FAM78B: variants seen among roughly 807,000 people sequenced by gnomAD.
FAM78B encodes protein FAM78B.
A neutral mutation model predicts 20.0 loss-of-function variants in FAM78B; 10 were observed. That is an observed-to-expected ratio of 0.50 (90% CI 0.31 to 0.85). The LOEUF (loss-of-function observed/expected upper bound fraction) is 0.85, where lower values mean the gene tolerates loss of function less well. FAM78B is among the 40% of genes least tolerant of loss of function. The probability of loss-of-function intolerance (pLI) is 0.05; values close to 1 mark genes in which losing one functional copy is unlikely to be tolerated. For synonymous variants in FAM78B, 135 were observed against 132.8 expected (o/e 1.02, Z -0.12); for missense variants, 283 against 345.0 (o/e 0.82, Z 1.42).
At position 166,099,368 on chromosome 1, in the gene FAM78B, C is replaced by T. The variant is rs193223888; in HGVS notation, c.264-28605G>A. 2.0e-3 allele frequency among the ~76,000 whole-genome samples: 302 copies of T among 152,178 alleles called. 4 individuals carry two copies. Among genetic ancestry groups the T allele is most frequent in the Non-Finnish European group, 2.1e-3 (143 of 67,992 alleles). ...AAGCAAAAACAAACAAACAAAAAAACGAAGTACACAGGCAACAAAGAGCAT... is the reference window on the plus strand; with the variant it reads ...AAGCAAAAACAAACAAACAAAAAAATGAAGTACACAGGCAACAAAGAGCAT... On this transcript the variant is annotated intron_variant, in intron 1 of 1. Coordinates refer to ENST00000354422, the MANE Select transcript of FAM78B (RefSeq NM_001017961.5).
chr1:166,161,266 C>G (rs560771166), intron 1 of FAM78B, among the ~76,000 whole-genome samples: 131 of 152,176 alleles, frequency 8.6e-4, no homozygotes, highest in Middle Eastern at 3.4e-3. Flanking sequence ...CGTGCCTCAG[C>G]CACCAGAGTA....
intron 1 of FAM78B, among the ~76,000 whole-genome samples, chr1:166,110,455 A>G (rs1035135714): frequency 2.6e-5 from 4 of 151,990 alleles, no homozygotes; most frequent in African/African-American, 7.3e-5. Flanking sequence ...TATTATTATT[A>G]TTGTTCTTTT....
chr1:166,094,298 G>C (rs1266570152), intron 1 of FAM78B, among the ~76,000 whole-genome samples: 1 of 152,194 alleles, frequency 6.6e-6, no homozygotes. Flanking sequence ...GGAGGCTGCA[G>C]TCTGGAGACA....
At chr1:166,096,347 C>T (rs1362613270) in intron 1 of FAM78B, among the ~76,000 whole-genome samples, 1 of 152,056 alleles carries the variant, frequency 6.6e-6, no homozygotes, top group Non-Finnish European at 1.5e-5. Flanking sequence ...ACACAGTGAG[C>T]TTGGGCTGCT....
intron 1 of FAM78B, among the ~76,000 whole-genome samples, chr1:166,136,163 G>A (rs972352175): frequency 6.6e-6 from 1 of 152,128 alleles, no homozygotes; most frequent in African/African-American, 2.4e-5. Context: ...GGACCAGCTG[G>A]GAACTAGCAA....
intron 1 of FAM78B, among the ~76,000 whole-genome samples, chr1:166,109,890 G>GTATATATGTGTATA (rs1557903394): frequency 8.6e-5 from 2 of 23,192 alleles, no homozygotes; most frequent in African/African-American, 1.8e-4. Flanking sequence ...ATGTATATAT[G>GTATATATGTGTATA]TATATATATA....
intron 1 of FAM78B, among the ~76,000 whole-genome samples, chr1:166,076,095 TA>T (rs1652260883): frequency 6.6e-6 from 1 of 152,250 alleles, no homozygotes; most frequent in Non-Finnish European, 1.5e-5. Context: ...CCTTGCTAAT[TA>T]CTCAACTTTG....
At chr1:166,087,615 C>G (rs145887938) in intron 1 of FAM78B, 5 of 152,300 alleles carry the variant, frequency 3.3e-5, no homozygotes, top group African/African-American at 1.2e-4. Flanking sequence ...TCCTGTGTTA[C>G]AAATGCAACA....
rs570810871 is a variant in FAM78B, at chr1:166,078,174, G to C, written c.264-7411C>G. Among the ~76,000 whole-genome samples the C allele has an allele frequency of 2.0e-5, 3 of 151,734 alleles. No individual in the cohort carries two copies. The South Asian group carries it at 6.2e-4, about 31-fold the overall frequency. On this transcript the variant is annotated intron_variant, in intron 1 of 1. Transcript: ENST00000354422. Reference sequence around the variant, plus strand: ...AGACTCCCGAGTAGCTGGGACTACAGGCATGTGCCACCACACCCAACTAAT... The same window carrying C: ...AGACTCCCGAGTAGCTGGGACTACACGCATGTGCCACCACACCCAACTAAT...
At chr1:166,110,294 G>A (rs113430431) in intron 1 of FAM78B, among the ~76,000 whole-genome samples, 168 of 151,974 alleles carry the variant, frequency 1.1e-3, no homozygotes, top group African/African-American at 3.8e-3. Flanking sequence ...AGAGAATGGG[G>A]ATTTATCACT....
chr1:166,088,260 T>A (rs1652914841), intron 1 of FAM78B, among the ~76,000 whole-genome samples: 1 of 152,162 alleles, frequency 6.6e-6, no homozygotes, highest in African/African-American at 2.4e-5. Flanking sequence ...GCTTTATGAC[T>A]CGTCTGTATT....
chr1:166,145,130 T>C (rs923606720), intron 1 of FAM78B, among the ~76,000 whole-genome samples: 34 of 152,274 alleles, frequency 2.2e-4, no homozygotes, highest in African/African-American at 7.7e-4. Flanking sequence ...TGGTAAAGAT[T>C]GTACCAACTG....
chr1:166,094,992 C>G (rs1653222038), intron 1 of FAM78B, among the ~76,000 whole-genome samples: 1 of 152,164 alleles, frequency 6.6e-6, no homozygotes, highest in Non-Finnish European at 1.5e-5. Flanking sequence ...AGAGACTTGT[C>G]TAAGGTGACC....
intron 1 of FAM78B, among the ~76,000 whole-genome samples, chr1:166,148,153 A>C (rs1016263216): frequency 6.6e-6 from 1 of 152,236 alleles, no homozygotes; most frequent in African/African-American, 2.4e-5. Flanking sequence ...GGGTCTAGAG[A>C]GCTGGTAACG....
At chr1:166,062,719 G>A (rs950806252) in intron 2 of FAM78B, among the ~76,000 whole-genome samples, 2 of 152,224 alleles carry the variant, frequency 1.3e-5, no homozygotes, top group Non-Finnish European at 2.9e-5. Context: ...TGGTACGTGA[G>A]GGAGTGAAGT....
At chr1:166,162,629 G>A (rs752996466) in intron 1 of FAM78B, among the ~76,000 whole-genome samples, 41 of 152,192 alleles carry the variant, frequency 2.7e-4, no homozygotes, top group Non-Finnish European at 1.2e-4. Flanking sequence ...CTGTTGGAAA[G>A]CTTCTGCATA....
intron 1 of FAM78B, among the ~76,000 whole-genome samples, chr1:166,105,898 C>T (rs1571166800): frequency 6.6e-6 from 1 of 151,740 alleles, no homozygotes. Context: ...TATAAAGACA[C>T]ATGCACACGT....
chr1:166,081,216 G>C (rs1411990655), intron 1 of FAM78B: 2 of 152,154 alleles, frequency 1.3e-5, no homozygotes, highest in African/African-American at 4.8e-5. Flanking sequence ...GCAGAGACAG[G>C]CTTCATGTTT....
chr1:166,156,048 C>T lies in FAM78B; in HGVS notation c.263+9938G>A, dbSNP rs562480501. Among the ~76,000 whole-genome samples, 175 of 152,322 alleles carry T rather than the reference C, an allele frequency of 1.1e-3. 1 individual carries two copies. Among genetic ancestry groups the T allele is most frequent in the African/African-American group, 4.0e-3 (168 of 41,570 alleles). On this transcript the variant is annotated intron_variant, in intron 1 of 1. Transcript: ENST00000354422. ...ACTGCGGATGCCGATTTACCGCTTC[C>T]CATTAGCCAGGCCTCTAACAGCCTC... is the stretch of plus-strand genomic sequence containing the variant.
Sources: gnomAD v4.1 joint callset for allele counts (sites outside exome capture counted in the v4.1 genomes callset) on GRCh38, gnomAD v4.1.1 for gene constraint, MANE v1.5 for transcripts, NCBI Gene and HGNC (gene_info 2026-07-23, HGNC 2026-07-21) for gene names.